Variants in TLL1 observed in about 807,000 individuals in gnomAD.
TLL1 encodes the protein tolloid like 1.
TLL1 carries 49 observed loss-of-function variants against 128.2 expected under a neutral mutation model. That is an observed-to-expected ratio of 0.38 (90% confidence interval 0.30 to 0.48). TLL1 has a LOEUF of 0.48. TLL1 is among the 20% of genes least tolerant of loss of function. TLL1 has a pLI of 0.96. For missense variants in TLL1, 1,123 were observed against 1,242.0 expected (o/e 0.90, Z 1.44); for synonymous variants, 454 against 418.8 (o/e 1.08, Z -1.03).
chr4:165,991,788 C>A (rs1335131221), intron 2 of TLL1, among the ~76,000 whole-genome samples: 10 of 151,904 alleles, frequency 6.6e-5, no homozygotes, highest in Admixed American at 6.6e-4. Flanking sequence ...GGAATTATAG[C>A]TTTCTTTGTC....
intron 8 of TLL1, among the ~76,000 whole-genome samples, chr4:166,020,894 A>G (rs527748797): frequency 1.3e-5 from 2 of 152,352 alleles, no homozygotes; most frequent in East Asian, 3.9e-4. Context: ...CCACAGGAAC[A>G]TATGTACAAC....
At chr4:166,028,885 A>G (rs1247413907) in intron 9 of TLL1, among the ~76,000 whole-genome samples, 3 of 151,864 alleles carry the variant, frequency 2.0e-5, no homozygotes, top group Non-Finnish European at 2.9e-5. Context: ...CAGGTATCCA[A>G]TTCAGTTTAT....
chr4:166,082,385 C>G (rs1741321045), intron 18 of TLL1, among the ~76,000 whole-genome samples: 1 of 152,110 alleles, frequency 6.6e-6, no homozygotes, highest in Admixed American at 6.6e-5. Flanking sequence ...TATTTTTTAA[C>G]TCTTGCCATT....
chr4:165,925,279 T>G (rs1733219679), intron 1 of TLL1, among the ~76,000 whole-genome samples: 1 of 152,162 alleles, frequency 6.6e-6, no homozygotes. Context: ...AATTCACCAT[T>G]CCAGATGCCA....
rs1265648904 is a variant in TLL1, at chr4:166,094,116, T to A, written c.2656+2775T>A. ...TGTATTGTGATCCAATGGTAGAGAATGCACTGGGCATTTTAGGCATACACA... is the reference window on the plus strand; with the variant it reads ...TGTATTGTGATCCAATGGTAGAGAAAGCACTGGGCATTTTAGGCATACACA... On this transcript the variant is annotated intron_variant, in intron 19 of 20. Transcript: ENST00000061240. Among the ~76,000 whole-genome samples the A allele has an allele frequency of 2.6e-5, 4 of 152,160 alleles. No homozygotes were observed. In the East Asian group the frequency reaches 7.7e-4, roughly 29 times the overall value.
At chr4:166,036,797 G>GTC (rs1358766999) in intron 9 of TLL1, among the ~76,000 whole-genome samples, 53 of 148,496 alleles carry the variant, frequency 3.6e-4, no homozygotes, top group Non-Finnish European at 7.0e-4. Flanking sequence ...AACTGTGTGT[G>GTC]TGTGTGTGTG....
intron 17 of TLL1, among the ~76,000 whole-genome samples, chr4:166,075,917 G>C (rs1470947848): frequency 1.3e-5 from 2 of 151,904 alleles, no homozygotes; most frequent in South Asian, 2.1e-4. Flanking sequence ...TTTTTTCATT[G>C]AGCTAATTAC....
At chr4:165,908,237 A>G (rs563916012) in intron 1 of TLL1, among the ~76,000 whole-genome samples, 10 of 152,312 alleles carry the variant, frequency 6.6e-5, no homozygotes, top group Admixed American at 6.5e-4. Context: ...TGGAGGTGCT[A>G]CTTATACTCC....
At chr4:166,011,179 T>G (rs1186760011) in intron 7 of TLL1, among the ~76,000 whole-genome samples, 1 of 151,484 alleles carries the variant, frequency 6.6e-6, no homozygotes, top group Non-Finnish European at 1.5e-5. Context: ...GGATAAATTT[T>G]TCTATTTCAG....
At chr4:165,909,299 G>T (rs529112878) in intron 1 of TLL1, among the ~76,000 whole-genome samples, 58 of 152,310 alleles carry the variant, frequency 3.8e-4, no homozygotes, top group African/African-American at 1.2e-3. Context: ...GGAGGCCAGG[G>T]TTGACTTAGA....
intron 18 of TLL1, among the ~76,000 whole-genome samples, chr4:166,085,012 A>G (rs1198365783): frequency 6.6e-6 from 1 of 151,550 alleles, no homozygotes; most frequent in Non-Finnish European, 1.5e-5. Context: ...GGTTAAATTT[A>G]TTTCAAAGTA....
intron 1 of TLL1, among the ~76,000 whole-genome samples, chr4:165,926,271 C>T (rs79930908): frequency 0.016 from 2,484 of 152,250 alleles, 67 homozygotes; most frequent in African/African-American, 0.056. Flanking sequence ...TTTTTTGACA[C>T]ATTCATACAG....
chr4:165,896,227 C>T (rs1416218318), intron 1 of TLL1, among the ~76,000 whole-genome samples: 1 of 152,098 alleles, frequency 6.6e-6, no homozygotes, highest in African/African-American at 2.4e-5. Flanking sequence ...ATGATGGTTT[C>T]CAGCTTCATC....
At chr4:165,894,955 T>A (rs187016594) in intron 1 of TLL1, among the ~76,000 whole-genome samples, 1 of 152,062 alleles carries the variant, frequency 6.6e-6, no homozygotes, top group East Asian at 1.9e-4. Flanking sequence ...ATTGACTATA[T>A]AATTTTAAAA....
In TLL1 at chr4:166,053,706, A is replaced by G. The variant is rs555715420; in HGVS notation, c.1525-1370A>G. On this transcript the variant is annotated intron_variant, in intron 12 of 20. Coordinates refer to ENST00000061240, the MANE Select transcript of TLL1 (RefSeq NM_012464.5). ...GCGTTCAAGTTGCAGTTCCATGGAC[A>G]TTCCCCGATATTCCTTGACATTCTA... Among the ~76,000 whole-genome samples, 96 of 152,286 alleles carry G rather than the reference A, an allele frequency of 6.3e-4. 1 individual carries two copies. The highest frequency in any genetic ancestry group is 5.9e-5 in the Non-Finnish European group (4 of 68,026).
At chr4:166,029,976 C>G (rs1046947403) in intron 9 of TLL1, among the ~76,000 whole-genome samples, 3 of 151,964 alleles carry the variant, frequency 2.0e-5, no homozygotes, top group Admixed American at 1.3e-4. Flanking sequence ...TCTCAGAGAC[C>G]TTGTTTTCAA....
chr4:166,052,074 A>C (rs1739765487), intron 12 of TLL1, among the ~76,000 whole-genome samples: 3 of 152,260 alleles, frequency 2.0e-5, no homozygotes, highest in African/African-American at 7.2e-5. Flanking sequence ...AGTGAGTTTT[A>C]TAGACCAGGC....
chr4:165,972,832 C>T (rs930389324), intron 1 of TLL1, among the ~76,000 whole-genome samples: 5 of 152,194 alleles, frequency 3.3e-5, no homozygotes, highest in African/African-American at 1.2e-4. Flanking sequence ...TTCAGAGGAA[C>T]ATCAAGTCTG....
intron 19 of TLL1, among the ~76,000 whole-genome samples, chr4:166,098,752 A>G (rs148820004): frequency 1.1e-3 from 167 of 152,198 alleles, no homozygotes; most frequent in African/African-American, 3.9e-3. Flanking sequence ...GAGGAGTTTT[A>G]TATCTATTGT....
Sources: allele counts gnomAD v4.1 joint callset (sites outside exome capture counted in the v4.1 genomes callset), GRCh38; gene constraint gnomAD v4.1.1; transcripts MANE v1.5; gene names NCBI Gene and HGNC (gene_info 2026-07-23, HGNC 2026-07-21).